The following TNIK variants were observed in gnomAD, a reference collection of about 807,000 sequenced individuals.
The protein encoded by TNIK is TRAF2 and NCK interacting kinase, also known as TRAF2 and NCK-interacting protein kinase.
Under a neutral mutation model 191.3 loss-of-function variants are expected in TNIK, and 49 were observed. That is an observed-to-expected ratio of 0.26 (90% CI 0.20 to 0.32). TNIK has a LOEUF of 0.32. TNIK is among the 10% of genes least tolerant of loss of function. The pLI is 1.00. For synonymous variants in TNIK, 594 were observed against 600.9 expected, an observed-to-expected ratio of 0.99 and a Z score of 0.17; for missense variants, 1,155 against 1,702.3, an observed-to-expected ratio of 0.68 and a Z score of 5.66.
intron 17 of TNIK, among the ~76,000 whole-genome samples, chr3:171,124,582 G>A (rs1338809892): frequency 6.6e-6 from 1 of 152,162 alleles, no homozygotes; most frequent in Non-Finnish European, 1.5e-5. Flanking sequence ...TACTTTCAGT[G>A]TAAAGTGTCA....
At chr3:171,235,000 C>T (rs60266121) in intron 2 of TNIK, among the ~76,000 whole-genome samples, 1 of 152,326 alleles carries the variant, frequency 6.6e-6, no homozygotes, top group African/African-American at 2.4e-5. Flanking sequence ...CCACAATCAT[C>T]TGTGGCTTTT....
chr3:171,184,225 A>T (rs2108810519), intron 7 of TNIK, among the ~76,000 whole-genome samples: 1 of 152,280 alleles, frequency 6.6e-6, no homozygotes, highest in South Asian at 2.1e-4. Flanking sequence ...ACTCTTATTA[A>T]TTATGTTATA....
intron 2 of TNIK, among the ~76,000 whole-genome samples, chr3:171,344,156 T>C (rs1711768219): frequency 6.6e-6 from 1 of 152,194 alleles, no homozygotes; most frequent in Non-Finnish European, 1.5e-5. Flanking sequence ...CCTGTTTGCA[T>C]TTCTCTTTAT....
At chr3:171,287,208 A>G (rs1250878250) in intron 2 of TNIK, among the ~76,000 whole-genome samples, 1 of 152,204 alleles carries the variant, frequency 6.6e-6, no homozygotes, top group African/African-American at 2.4e-5. Context: ...ACAAAAACAG[A>G]AACAACAAAA....
intron 2 of TNIK, among the ~76,000 whole-genome samples, chr3:171,235,776 G>A (rs909361382): frequency 4.3e-4 from 65 of 151,412 alleles, no homozygotes; most frequent in Admixed American, 1.4e-3. Context: ...GGTGGGGGGG[G>A]GGTTTATAGA....
At position 171,177,325 on chromosome 3, in the gene TNIK, C is replaced by T; in HGVS notation, c.694+1G>A. On this transcript the variant is annotated splice_donor_variant, in intron 8 of 32. Transcript: ENST00000436636. LOFTEE classifies it high-confidence loss of function. ...ATTTCACCCCAGAGGAGGGTACTTA[C>T]GGGGAGCACCTTCTGCCATTTCAAT... The T allele has an allele frequency of 6.2e-7, 1 of 1,606,500 alleles. No individual in the cohort carries two copies. Among genetic ancestry groups the T allele is most frequent in the Non-Finnish European group, 8.5e-7 (1 of 1,176,526 alleles).
intron 28 of TNIK, 101 bp from the exon 29 acceptor site, chr3:171,071,424 T>C: frequency 1.2e-6 from 1 of 853,314 alleles, no homozygotes; most frequent in Non-Finnish European, 1.7e-6. Context: ...AATTTAAATA[T>C]TGATGTTGGG....
At chr3:171,445,998 T>C (rs780231463) in intron 1 of TNIK, among the ~76,000 whole-genome samples, 7 of 152,176 alleles carry the variant, frequency 4.6e-5, no homozygotes, top group Non-Finnish European at 8.8e-5. Context: ...ATTTCAGTGA[T>C]AAGTTATCAA....
chr3:171,274,966 T>G (rs140416180), intron 2 of TNIK, among the ~76,000 whole-genome samples: 105 of 152,312 alleles, frequency 6.9e-4, no homozygotes, highest in African/African-American at 2.5e-3. Context: ...GCATGAGCTG[T>G]GAGGCAGGAA....
chr3:171,159,395 G>A lies in TNIK; in HGVS notation c.1017-1731C>T, dbSNP rs1733675176. Reference sequence around the variant, plus strand: ...AACAAGAGGACCAAGGATCGGTTTTGGAGAGTAGTTAGTGTGCTGTGTGAG... The same window carrying A: ...AACAAGAGGACCAAGGATCGGTTTTAGAGAGTAGTTAGTGTGCTGTGTGAG... On this transcript the variant is annotated intron_variant, in intron 11 of 32. Transcript: ENST00000436636. This position sits in a 1 kb window ranked among gnomAD's most constrained non-coding sequence, Gnocchi z 4.1. Among the ~76,000 whole-genome samples the A allele has an allele frequency of 9.4e-6, 1 of 106,568 alleles. No homozygotes were observed. Among genetic ancestry groups the A allele is most frequent in the Non-Finnish European group, 2.2e-5 (1 of 45,614 alleles). The allele number at this position is 106,568 out of a possible 152,430, so 69.9% of individuals were successfully genotyped here. A position where few individuals can be genotyped will look rare whatever the true frequency, so the allele number is the denominator to read the frequency against.
intron 1 of TNIK, among the ~76,000 whole-genome samples, chr3:171,439,120 G>A (rs1349921878): frequency 5.3e-5 from 8 of 152,152 alleles, no homozygotes; most frequent in South Asian, 2.1e-4. Context: ...CGAGGCAGGC[G>A]GATCACAAGG....
At chr3:171,392,778 C>CAAAAAAAAAAAAAAAAAAA (rs60306915) in intron 1 of TNIK, among the ~76,000 whole-genome samples, 1 of 95,282 alleles carries the variant, frequency 1.0e-5, no homozygotes, top group African/African-American at 4.0e-5. Context: ...GATTCTGTCT[C>CAAAAAAAAAAAAAAAAAAA]AAAAAAAAAA....
chr3:171,256,547 C>G (rs566713265), intron 2 of TNIK, among the ~76,000 whole-genome samples: 1 of 152,278 alleles, frequency 6.6e-6, no homozygotes, highest in East Asian at 1.9e-4. Context: ...CATGAAGAAT[C>G]ATGGGGAGCT....
At chr3:171,304,759 G>A (rs1419788697) in intron 2 of TNIK, among the ~76,000 whole-genome samples, 3 of 151,656 alleles carry the variant, frequency 2.0e-5, no homozygotes, top group Admixed American at 2.0e-4. Context: ...CTATCACAAG[G>A]ACAAAAAACC....
intron 2 of TNIK, among the ~76,000 whole-genome samples, chr3:171,358,130 T>C (rs1714418498): frequency 2.0e-5 from 3 of 152,134 alleles, no homozygotes; most frequent in Admixed American, 6.5e-5. Context: ...TTTGCTGCTT[T>C]AAAAAATAGT....
At chr3:171,339,446 C>A (rs960914023) in intron 2 of TNIK, among the ~76,000 whole-genome samples, 1 of 152,210 alleles carries the variant, frequency 6.6e-6, no homozygotes, top group Non-Finnish European at 1.5e-5. Flanking sequence ...CCTCTAGAAC[C>A]AGAATGCCAC....
rs1233048459 is a variant in TNIK, at chr3:171,082,565, T to G, written c.3170-171A>C. On this transcript the variant is annotated intron_variant, in intron 26 of 32. Coordinates refer to ENST00000436636, the MANE Select transcript of TNIK (RefSeq NM_015028.4). ...CTCTGACATAATAATTAAATCATTG[T>G]ACTTCTGGTAATGAAATTACAGTTT... is the stretch of plus-strand genomic sequence containing the variant. 11 of 745,228 alleles carry G rather than the reference T, an allele frequency of 1.5e-5. No homozygotes were observed. In the African/African-American group the frequency reaches 1.8e-4, roughly 12 times the overall value. The allele number at this position is 745,228 out of a possible 1,614,324, so 46.2% of individuals were successfully genotyped here. A position where few individuals can be genotyped will look rare whatever the true frequency, so the allele number is the denominator to read the frequency against.
At chr3:171,244,829 A>G (rs1745411139) in intron 2 of TNIK, among the ~76,000 whole-genome samples, 1 of 149,892 alleles carries the variant, frequency 6.7e-6, no homozygotes, top group African/African-American at 2.4e-5. Context: ...TTATATATTT[A>G]TTATTAAAAT....
intron 4 of TNIK, among the ~76,000 whole-genome samples, chr3:171,205,022 T>C (rs1022903288): frequency 9.2e-5 from 14 of 152,152 alleles, no homozygotes; most frequent in African/African-American, 3.1e-4. Flanking sequence ...TAAGATAATA[T>C]GACAAAGTAA....
Sources: allele counts gnomAD v4.1 joint callset (sites outside exome capture counted in the v4.1 genomes callset), GRCh38; gene constraint gnomAD v4.1.1; non-coding constraint Gnocchi (gnomAD v3.1); transcripts MANE v1.5; gene names NCBI Gene and HGNC (gene_info 2026-07-23, HGNC 2026-07-21).